The following FRMPD4 variants were observed in gnomAD, a reference collection of about 807,000 sequenced individuals.
FRMPD4 encodes FERM and PDZ domain-containing protein 4.
FRMPD4 carries 22 observed loss-of-function variants against 94.1 expected under a neutral mutation model. The ratio of observed to expected loss-of-function variants is 0.23; its 90% CI spans 0.17 to 0.33. The LOEUF is 0.33. Ranked by LOEUF, FRMPD4 falls within the 10% of genes least tolerant of loss-of-function variation. FRMPD4 has a pLI of 1.00. For missense variants in FRMPD4, 1,111 were observed against 1,339.9 expected (o/e 0.83, Z 2.67); for synonymous variants, 631 against 548.6 (o/e 1.15, Z -2.10).
intron 3 of FRMPD4, among the ~76,000 whole-genome samples, chrX:12,112,181 A>C (rs181847632): frequency 1.8e-5 from 2 of 111,910 alleles, no homozygotes; most frequent in African/African-American, 6.5e-5. Context: ...TGTCCATCAA[A>C]GATAGACTGG....
At chrX:12,007,976 G>A (rs1270497360) in intron 3 of FRMPD4, among the ~76,000 whole-genome samples, 2 of 111,842 alleles carry the variant, frequency 1.8e-5, no homozygotes, top group Non-Finnish European at 3.8e-5. Context: ...ACCATTAAGA[G>A]GGGGAAGGAG....
intron 1 of FRMPD4, among the ~76,000 whole-genome samples, chrX:11,864,422 G>A (rs1389738861): frequency 9.1e-6 from 1 of 109,533 alleles, no homozygotes; most frequent in African/African-American, 3.3e-5. Flanking sequence ...ACTAAGCCAA[G>A]ACCAAACATT....
intron 4 of FRMPD4, among the ~76,000 whole-genome samples, chrX:12,668,417 C>G (rs1277316929): frequency 1.8e-5 from 2 of 110,698 alleles, no homozygotes; most frequent in Non-Finnish European, 3.8e-5. Flanking sequence ...TAAAGTCAAT[C>G]TAGATTATGT....
At position 11,926,520 on chromosome X, in the gene FRMPD4, C is replaced by T. The variant is rs182269348; in HGVS notation, c.95+48502C>T. ...GTAAAAATCCTTAACAAAATACTGGCAAACCAAATTCAGCAGCACATCATG... is the reference window on the plus strand; with the variant it reads ...GTAAAAATCCTTAACAAAATACTGGTAAACCAAATTCAGCAGCACATCATG... On this transcript the variant is annotated intron_variant, in intron 3 of 18. Transcript: ENST00000640291. 6.3e-5 allele frequency among the ~76,000 whole-genome samples: 7 copies of T among 111,857 alleles called. No homozygotes were observed. In the Admixed American group the frequency reaches 6.6e-4, roughly 11 times the overall value.
At chrX:12,469,381 C>T (rs1217694717) in intron 1 of FRMPD4, among the ~76,000 whole-genome samples, 3 of 111,175 alleles carry the variant, frequency 2.7e-5, no homozygotes, top group African/African-American at 9.8e-5. Context: ...TCCCAAGTAG[C>T]TGGGATTACC....
intron 16 of FRMPD4, among the ~76,000 whole-genome samples, chrX:12,719,951 G>C (rs2042186992): frequency 9.6e-6 from 1 of 104,273 alleles, no homozygotes; most frequent in Non-Finnish European, 1.9e-5. Flanking sequence ...TATTTAATTT[G>C]CACTAATTAA....
chrX:12,234,518 A>G (rs2057049917), intron 1 of FRMPD4, among the ~76,000 whole-genome samples: 1 of 111,247 alleles, frequency 9.0e-6, no homozygotes, highest in Non-Finnish European at 1.9e-5. Flanking sequence ...GCTTGAGCAG[A>G]GAGGTGCACT....
Position 12,718,627 on chromosome X carries a change from G to T in FRMPD4, c.3801G>T (p.Gly1267=). 1 of 1,211,037 alleles carries T rather than the reference G, an allele frequency of 8.3e-7. No individual in the cohort carries two copies. Among genetic ancestry groups the T allele is most frequent in the African/African-American group, 1.7e-5 (1 of 57,777 alleles). ...TTCCTTCAGAGGAGAGAGCCCCTGG[G>T]CTTCCCAACCACGGAGCCACCTTTA... ...NYIPSEERAP[G]LPNHGATFKE... is the part of the protein sequence containing the mutation. The change falls in exon 16 of 17, where the codon GGG becomes GGT. Residue 1267 remains glycine (G), a synonymous_variant. Coordinates refer to ENST00000675598, the MANE Select transcript of FRMPD4 (RefSeq NM_001368397.1).
At chrX:12,130,334 T>C (rs1366695666) in intron 3 of FRMPD4, among the ~76,000 whole-genome samples, 1 of 111,509 alleles carries the variant, frequency 9.0e-6, no homozygotes, top group Non-Finnish European at 1.9e-5. Context: ...ATGATAGATG[T>C]AGCTTAAGGC....
chrX:11,993,485 C>A, intron 3 of FRMPD4, among the ~76,000 whole-genome samples: 1 of 112,119 alleles, frequency 8.9e-6, no homozygotes, highest in Non-Finnish European at 1.9e-5. Context: ...CAAACATTGA[C>A]AAATGCACCC....
At chrX:12,166,289 T>C (rs1391556159) in intron 1 of FRMPD4, among the ~76,000 whole-genome samples, 15 of 112,350 alleles carry the variant, frequency 1.3e-4, no homozygotes, top group African/African-American at 4.9e-4. Flanking sequence ...AAAGGCCTTT[T>C]CTGCATCTAT....
intron 1 of FRMPD4, among the ~76,000 whole-genome samples, chrX:12,139,549 TTTG>T (rs200660468): frequency 3.1e-4 from 29 of 93,619 alleles, no homozygotes; most frequent in African/African-American, 1.1e-3. Flanking sequence ...CCTTTTTTTT[TTTG>T]GGGGGGGGGT....
intron 3 of FRMPD4, among the ~76,000 whole-genome samples, chrX:11,879,757 A>G (rs758640237): frequency 1.8e-5 from 2 of 112,339 alleles, no homozygotes; most frequent in Non-Finnish European, 3.8e-5. Flanking sequence ...TCTCAACTAT[A>G]GAACTATGTA....
chrX:12,540,807 A>G (rs2058400887), intron 2 of FRMPD4, among the ~76,000 whole-genome samples: 1 of 111,862 alleles, frequency 8.9e-6, no homozygotes. Context: ...GCACCACACC[A>G]CACCTATTCC....
intron 1 of FRMPD4, among the ~76,000 whole-genome samples, chrX:11,840,041 T>A (rs1460099158): frequency 1.8e-5 from 2 of 111,728 alleles, no homozygotes. Context: ...TTCTCCTTTT[T>A]CAAAAATATT....
At chrX:12,120,783 T>C (rs1038616264) in intron 3 of FRMPD4, among the ~76,000 whole-genome samples, 8 of 111,124 alleles carry the variant, frequency 7.2e-5, no homozygotes, top group African/African-American at 2.6e-4. Flanking sequence ...GGTACAATAA[T>C]GTGTGATCAC....
intron 2 of FRMPD4, among the ~76,000 whole-genome samples, chrX:12,593,847 T>A (rs1475459143): frequency 8.9e-6 from 1 of 111,875 alleles, no homozygotes; most frequent in Non-Finnish European, 1.9e-5. Context: ...CTGAGACACA[T>A]AATATATGCA....
At chrX:11,883,521 AT>A (rs921310744) in intron 3 of FRMPD4, among the ~76,000 whole-genome samples, 4 of 111,162 alleles carry the variant, frequency 3.6e-5, no homozygotes, top group Non-Finnish European at 7.5e-5. Context: ...TCTAGGGGGG[AT>A]GGAAAATAAA....
intron 3 of FRMPD4, among the ~76,000 whole-genome samples, chrX:12,080,108 A>C (rs564860498): frequency 8.9e-6 from 1 of 112,261 alleles, no homozygotes; most frequent in East Asian, 2.8e-4. Flanking sequence ...AAGAGAGGAG[A>C]GGATGATAGC....
Sources: allele counts gnomAD v4.1 joint callset (sites outside exome capture counted in the v4.1 genomes callset), GRCh38; gene constraint gnomAD v4.1.1; transcripts MANE v1.5; gene names NCBI Gene and HGNC (gene_info 2026-07-23, HGNC 2026-07-21).